Variants in THTPA observed in about 807,000 individuals in gnomAD.
THTPA encodes the protein thiamine-triphosphatase.
THTPA carries 16 observed loss-of-function variants against 16.5 expected under a neutral mutation model. The observed-to-expected ratio is 0.97, with a 90% CI of 0.66 to 1.47. The LOEUF (loss-of-function observed/expected upper bound fraction) is 1.47. Among genes scored for constraint, THTPA ranks in the 40% most tolerant of loss-of-function variants. The pLI is 0.00. For synonymous variants in THTPA, 110 were observed against 115.5 expected (o/e 0.95, Z 0.30); for missense variants, 281 against 280.9 (o/e 1.00, Z 0.00).
chr14:23,545,163 A>G, the THTPA span, among the ~76,000 whole-genome samples: 1 of 152,074 alleles, frequency 6.6e-6, no homozygotes, highest in Admixed American at 6.5e-5. Context: ...CCAAAGGACA[A>G]ATCTCAAGGG....
chr14:23,539,643 G>C, the THTPA span, among the ~76,000 whole-genome samples: 1 of 152,174 alleles, frequency 6.6e-6, no homozygotes, highest in African/African-American at 2.4e-5. Context: ...GAGCCATGTC[G>C]TGGATTCAGG....
the THTPA span, chr14:23,527,895 C>G: frequency 8.9e-7 from 1 of 1,121,558 alleles, no homozygotes; most frequent in African/African-American, 1.6e-5. Context: ...TGGCCCGCCC[C>G]CACTCCTTTT....
the THTPA span, chr14:23,534,364 G>C: frequency 6.5e-7 from 1 of 1,536,694 alleles, no homozygotes; most frequent in African/African-American, 1.4e-5. This position sits in a 1 kb window ranked among gnomAD's most constrained non-coding sequence, Gnocchi z 4.5. Context: ...GCCATCCTCT[G>C]TCTGGGCCAC....
At chr14:23,552,495 G>C (rs1291433706), upstream of THTPA, among the ~76,000 whole-genome samples, 1 of 152,022 alleles carries the variant, frequency 6.6e-6, no homozygotes, top group Non-Finnish European at 1.5e-5. Context: ...GTTTCACCAC[G>C]TTGGTCAAGC....
chr14:23,537,642 T>C, the THTPA span, among the ~76,000 whole-genome samples: 1 of 151,728 alleles, frequency 6.6e-6, no homozygotes, highest in Non-Finnish European at 1.5e-5. Flanking sequence ...GTGGAAGGGA[T>C]GGGGAGGTCG....
the THTPA span, chr14:23,522,385 A>C: frequency 1.3e-6 from 2 of 1,536,270 alleles, no homozygotes; most frequent in Non-Finnish European, 1.7e-6. Flanking sequence ...GCAGCTCATC[A>C]ACCTCACCAG....
the THTPA span, among the ~76,000 whole-genome samples, chr14:23,546,988 A>G: frequency 1.3e-5 from 2 of 152,168 alleles, no homozygotes; most frequent in African/African-American, 4.8e-5. The surrounding 1 kb of genome is among the most constrained non-coding windows in gnomAD (Gnocchi z 4.7). Flanking sequence ...CAACCCATTC[A>G]GGGGCTTTTT....
At chr14:23,522,434 G>A in the THTPA span, 1 of 1,536,478 alleles carries the variant, frequency 6.5e-7, no homozygotes, top group Non-Finnish European at 8.7e-7. Context: ...AGGAGGCTTT[G>A]GAGGTGCTGT....
the THTPA span, among the ~76,000 whole-genome samples, chr14:23,514,894 C>T: frequency 6.6e-6 from 1 of 152,158 alleles, no homozygotes; most frequent in East Asian, 1.9e-4. Context: ...CTCTGCCTTC[C>T]TCCCAACTAG....
At chr14:23,529,590 G>A in the THTPA span, 1 of 1,031,696 alleles carries the variant, frequency 9.7e-7, no homozygotes. Flanking sequence ...TTTCTTAACT[G>A]TGCTATTCTG....
the THTPA span, among the ~76,000 whole-genome samples, chr14:23,537,743 G>A: frequency 6.6e-6 from 1 of 152,198 alleles, no homozygotes; most frequent in African/African-American, 2.4e-5. Flanking sequence ...CTCAAGTTGA[G>A]GGAGAAAGGT....
At chr14:23,520,957 T>C in the THTPA span, 2 of 151,848 alleles carry the variant, frequency 1.3e-5, no homozygotes, top group Admixed American at 6.6e-5. The surrounding 1 kb of genome is among the most constrained non-coding windows in gnomAD (Gnocchi z 8.7). Context: ...TTTGTGCGCG[T>C]GTGCACGTAC....
At chr14:23,541,805 CA>C in the THTPA span, among the ~76,000 whole-genome samples, 324 of 138,292 alleles carry the variant, frequency 2.3e-3, no homozygotes, top group African/African-American at 9.3e-3. Flanking sequence ...GTCATCCCTG[CA>C]TTTAAAACTA....
chr14:23,529,152 TC>T, the THTPA span, among the ~76,000 whole-genome samples: 1 of 152,194 alleles, frequency 6.6e-6, no homozygotes, highest in African/African-American at 2.4e-5. Context: ...AGGCTGGGAA[TC>T]CCCTCAGAAC....
the THTPA span, chr14:23,544,424 G>A: frequency 6.6e-6 from 1 of 152,418 alleles, no homozygotes; most frequent in Admixed American, 6.5e-5. Flanking sequence ...CCTGTGTTGG[G>A]GTATGTGTAT....
At chr14:23,546,884 A>G in the THTPA span, among the ~76,000 whole-genome samples, 1 of 152,116 alleles carries the variant, frequency 6.6e-6, no homozygotes, top group African/African-American at 2.4e-5. The surrounding 1 kb of genome is among the most constrained non-coding windows in gnomAD (Gnocchi z 4.7). Flanking sequence ...CCCGCCCACC[A>G]GCCCCTTCTT....
rs1882907298 is a variant in THTPA at position 23,558,924 on chromosome 14, C to A, written c.*84C>A. ...CCCACTGTGCCTCTCCCCTCAGTGT[C>A]CCTTCTGACAGTGACTCCTCTCTCT... On this transcript the variant is annotated 3_prime_UTR_variant, in exon 2 of 2. Coordinates refer to ENST00000288014, the MANE Select transcript of THTPA (RefSeq NM_024328.6). 4.6e-6 allele frequency: 7 copies of A among 1,530,894 alleles called. No homozygotes were observed. The highest frequency in any genetic ancestry group is 3.8e-5 in the Admixed American group (2 of 53,038). The allele number at this position is 1,530,894 out of a possible 1,614,324, so 94.8% of individuals were successfully genotyped here. A position where few individuals can be genotyped will look rare whatever the true frequency, so the allele number is the denominator to read the frequency against.
At chr14:23,539,331 C>CA in the THTPA span, among the ~76,000 whole-genome samples, 165 of 151,770 alleles carry the variant, frequency 1.1e-3, no homozygotes, top group African/African-American at 3.8e-3. Flanking sequence ...GCCCTACAAA[C>CA]AAAAAAATAT....
chr14:23,523,707 T>C, the THTPA span: 1 of 1,536,694 alleles, frequency 6.5e-7, no homozygotes, highest in Non-Finnish European at 8.7e-7. This position sits in a 1 kb window ranked among gnomAD's most constrained non-coding sequence, Gnocchi z 4.1. Context: ...GCTTTCATGA[T>C]CTTCAGCTGC....
Sources: gnomAD v4.1 joint callset for allele counts (sites outside exome capture counted in the v4.1 genomes callset) on GRCh38, gnomAD v4.1.1 for gene constraint, Gnocchi (gnomAD v3.1) non-coding constraint, MANE v1.5 for transcripts, NCBI Gene and HGNC (gene_info 2026-07-23, HGNC 2026-07-21) for gene names.